Variants in DEPDC7 observed in about 807,000 individuals in gnomAD.
The protein encoded by DEPDC7 is DEP domain containing 7, also known as DEP domain-containing protein 7.
DEPDC7 carries 41 observed loss-of-function variants against 56.6 expected under a neutral mutation model. The observed-to-expected ratio is 0.72, with a 90% confidence interval of 0.56 to 0.94. The LOEUF is 0.94. Among genes scored for constraint, DEPDC7 ranks in the 40% least tolerant of loss-of-function variants. The probability of loss-of-function intolerance (pLI) is 0.00; values close to 1 mark genes in which losing one functional copy is unlikely to be tolerated. For synonymous variants in DEPDC7, 185 were observed against 208.8 expected, an observed-to-expected ratio of 0.89 and a Z score of 0.98; for missense variants, 522 against 596.3, an observed-to-expected ratio of 0.88 and a Z score of 1.30.
At chr11:33,028,357 C>G (rs1015083337) in intron 3 of DEPDC7, 1 of 358,410 alleles carries the variant, frequency 2.8e-6, no homozygotes, top group Non-Finnish European at 5.0e-6. Context: ...GATCTCTTAT[C>G]TCTGACAGAT....
At chr11:33,028,843 A>G (rs777339348) in intron 4 of DEPDC7, 51 bp downstream of exon 4, 4 of 1,400,744 alleles carry the variant, frequency 2.9e-6, no homozygotes, top group Non-Finnish European at 2.9e-6. Context: ...GTAGATTGAG[A>G]TAATGGTTTT....
In DEPDC7 at chr11:33,033,418, G is replaced by A; in HGVS notation, c.1499G>A (p.Cys500Tyr). 6.2e-7 allele frequency: 1 copy of A among 1,604,778 alleles called. No individual in the cohort carries two copies. Among genetic ancestry groups the A allele is most frequent in the South Asian group, 1.1e-5 (1 of 89,120 alleles). The change falls in exon 9 of 9, where the codon TGT (cysteine) becomes TAT (tyrosine). Residue 500 changes from cysteine (C) to tyrosine (Y), a missense_variant. Cys to Tyr is a radical substitution (Grantham distance 194). Transcript: ENST00000241051. ...AAATTGCTAGGTCAATTCTATAAGT[G>A]TCACCCAGACATCTTTATTGAGCAT... Reference protein sequence around the residue: ...KKKLLGQFYKCHPDIFIEHFG... With the variant: ...KKKLLGQFYKYHPDIFIEHFG...
chr11:33,030,452 C>CAGATA (rs1554938767), intron 4 of DEPDC7, among the ~76,000 whole-genome samples: 2 of 150,744 alleles, frequency 1.3e-5, no homozygotes, highest in African/African-American at 4.9e-5. Flanking sequence ...TGCTTTTTAA[C>CAGATA]GATAGATAGA....
chr11:33,028,410 A>G (rs1853599715), intron 3 of DEPDC7, 193 bp from the exon 4 acceptor site: 2 of 457,522 alleles, frequency 4.4e-6, no homozygotes, highest in Non-Finnish European at 7.6e-6. Context: ...CCTGTTGTCC[A>G]AAGCCTATTC....
Position 33,025,772 on chromosome 11 carries a change from A to G in DEPDC7, c.187A>G (p.Asn63Asp), listed in dbSNP as rs765864249. Residue 63 changes from asparagine to aspartate, a missense_variant, in exon 2 of 9, where the codon AAT becomes GAT. By Grantham distance (23) the Asn-to-Asp change is conservative. Transcript: ENST00000241051. ...ACGAAGGCACCGTTTAAAACGACAT[A>G]ATGACTGCTTTGTTGGTTCAGAAGC... ...KKRRHRLKRHNDCFVGSEAVD... is the reference protein window; with the variant it reads ...KKRRHRLKRHDDCFVGSEAVD... 1 of 1,614,176 alleles carries G rather than the reference A, an allele frequency of 6.2e-7. No individual in the cohort carries two copies. The highest frequency in any genetic ancestry group is 1.1e-5 in the South Asian group (1 of 91,088).
At chr11:33,024,394 T>C (rs1853553305) in intron 1 of DEPDC7, among the ~76,000 whole-genome samples, 1 of 152,178 alleles carries the variant, frequency 6.6e-6, no homozygotes, top group Non-Finnish European at 1.5e-5. Context: ...GCTTTAAAAA[T>C]ATTAGTTTAT....
chr11:33,032,702 C>A lies in DEPDC7; in HGVS notation c.1172C>A (p.Ser391Ter), dbSNP rs1853646141. 1.2e-6 allele frequency: 2 copies of A among 1,602,716 alleles called. No individual in the cohort carries two copies. The highest frequency in any genetic ancestry group is 2.2e-5 in the South Asian group (2 of 88,986). The change falls in exon 7 of 9, where the codon TCA (serine) becomes TAA (stop). Residue 391 changes from serine to a stop codon, truncating the protein, a stop_gained. Coordinates refer to ENST00000241051, the MANE Select transcript of DEPDC7 (RefSeq NM_001077242.2). LOFTEE classifies it high-confidence loss of function. ...CGAATGGTTGTGAAAAGGATATTCT[C>A]AAAAGCTATTGTTGACAATAAAAAT... ...DNRMVVKRIF[S>*]KAIVDNKNLS...
chr11:33,018,109 G>A (rs1853482637), intron 1 of DEPDC7, among the ~76,000 whole-genome samples: 3 of 152,142 alleles, frequency 2.0e-5, no homozygotes. Flanking sequence ...CTTTTCAGAG[G>A]CAATCGCAGT....
intron 1 of DEPDC7, among the ~76,000 whole-genome samples, chr11:33,018,115 G>T (rs1590205961): frequency 6.6e-6 from 1 of 152,216 alleles, no homozygotes; most frequent in East Asian, 1.9e-4. Flanking sequence ...AGAGGCAATC[G>T]CAGTCTTCAG....
intron 7 of DEPDC7, 41 bp from the exon 8 acceptor site, chr11:33,032,848 A>G: frequency 1.3e-6 from 2 of 1,581,366 alleles, no homozygotes; most frequent in Non-Finnish European, 1.7e-6. Flanking sequence ...CTAGATTAAA[A>G]TGCATTTGAA....
chr11:33,028,588 A>C lies in DEPDC7; in HGVS notation c.593-15A>C, dbSNP rs372193910. 41 of 1,564,742 alleles carry C rather than the reference A, an allele frequency of 2.6e-5. No individual in the cohort carries two copies. The highest frequency in any genetic ancestry group is 3.5e-4 in the Middle Eastern group (2 of 5,746). Reference sequence around the variant, plus strand: ...ATTAATTGTTACTTTTCACCTTGTCATTTTTCCTGTGTAGTTATTAATGAA... The same window carrying C: ...ATTAATTGTTACTTTTCACCTTGTCCTTTTTCCTGTGTAGTTATTAATGAA... On this transcript the variant is annotated splice_polypyrimidine_tract_variant and intron_variant, in intron 3 of 8. Coordinates refer to ENST00000241051, the MANE Select transcript of DEPDC7 (RefSeq NM_001077242.2).
At chr11:33,027,244 A>G (rs528655618) in intron 2 of DEPDC7, among the ~76,000 whole-genome samples, 4 of 152,326 alleles carry the variant, frequency 2.6e-5, no homozygotes, top group Non-Finnish European at 4.4e-5. Context: ...TAGTCTTGGG[A>G]CAGATTTTGT....
chr11:33,032,733 C>T lies in DEPDC7; in HGVS notation c.1203C>T (p.Ser401=), dbSNP rs755881855. ...CTATTGTTGACAATAAAAATTTATCCAAAGGCAAAACAGATCTTCTGGTAC... is the reference window on the plus strand; with the variant it reads ...CTATTGTTGACAATAAAAATTTATCTAAAGGCAAAACAGATCTTCTGGTAC... ...SKAIVDNKNL[S]KGKTDLLVLF... The change falls in exon 7 of 9, where the codon TCC becomes TCT. Residue 401 remains serine, a synonymous_variant. Transcript: ENST00000241051. The T allele has an allele frequency of 3.1e-6, 5 of 1,606,724 alleles. No individual in the cohort carries two copies. The Admixed American group carries it at 6.8e-5, about 22-fold the overall frequency.
Position 33,032,985 on chromosome 11 carries a change from ATT to A in DEPDC7, c.1342+21_1342+22del. On this transcript the variant is annotated intron_variant, in intron 8 of 8. Transcript: ENST00000241051. ...AGATGCAGGTAATCTGAGAAATATTATTTTCATGATCTTCCAAAGACAAATTT... is the reference window on the plus strand; with the variant it reads ...AGATGCAGGTAATCTGAGAAATATTATTCATGATCTTCCAAAGACAAATTT... 1.3e-6 allele frequency: 2 copies of A among 1,527,820 alleles called. No homozygotes were observed. Among genetic ancestry groups the A allele is most frequent in the South Asian group, 1.2e-5 (1 of 82,556 alleles). The allele number at this position is 1,527,820 out of a possible 1,614,324, so 94.6% of individuals were successfully genotyped here.
chr11:33,022,914 G>A (rs750065959), intron 1 of DEPDC7, among the ~76,000 whole-genome samples: 2 of 152,130 alleles, frequency 1.3e-5, no homozygotes, highest in Non-Finnish European at 2.9e-5. Flanking sequence ...TCTTTGTTTA[G>A]TACTGGCTTA....
Position 33,027,810 on chromosome 11 carries a change from C to T in DEPDC7, c.589C>T (p.Gln197Ter). The change falls in exon 3 of 9, where the codon CAA becomes TAA. Residue 197 changes from glutamine (Q) to a stop codon, truncating the protein, a stop_gained. Coordinates refer to ENST00000241051, the MANE Select transcript of DEPDC7 (RefSeq NM_001077242.2). LOFTEE classifies it high-confidence loss of function. Reference sequence around the variant, plus strand: ...AAATATCTCTGCAACCTTGTCTCCACAAGGTAAGCTAAGGATGAAGCAAAG... The same window carrying T: ...AAATATCTCTGCAACCTTGTCTCCATAAGGTAAGCTAAGGATGAAGCAAAG... Reference protein sequence around the residue: ...HVNISATLSPQVINEVWQEET... With the variant: ...HVNISATLSP 1 of 1,550,146 alleles carries T rather than the reference C, an allele frequency of 6.5e-7. No homozygotes were observed. Among genetic ancestry groups the T allele is most frequent in the Non-Finnish European group, 8.7e-7 (1 of 1,155,704 alleles).
chr11:33,024,091 C>G (rs1853549961), intron 1 of DEPDC7, among the ~76,000 whole-genome samples: 1 of 152,138 alleles, frequency 6.6e-6, no homozygotes, highest in South Asian at 2.1e-4. Flanking sequence ...AGGGAGGGAG[C>G]CAGCCAGCCA....
At chr11:33,028,517 A>T in intron 3 of DEPDC7, 86 bp from the exon 4 acceptor site, 1 of 1,114,126 alleles carries the variant, frequency 9.0e-7, no homozygotes, top group South Asian at 2.0e-5. Context: ...CAAATTTACT[A>T]GCTTAGACCT....
intron 1 of DEPDC7, chr11:33,016,412 C>G: frequency 1.3e-6 from 2 of 1,528,060 alleles, no homozygotes; most frequent in Non-Finnish European, 1.7e-6. Flanking sequence ...GTTCTTTGCC[C>G]CCTGTCTCAA....
Sources: allele counts gnomAD v4.1 joint callset (sites outside exome capture counted in the v4.1 genomes callset), GRCh38; gene constraint gnomAD v4.1.1; transcripts MANE v1.5; gene names NCBI Gene and HGNC (gene_info 2026-07-23, HGNC 2026-07-21).